GPC3: variants seen among roughly 807,000 people sequenced by gnomAD.
The protein encoded by GPC3 is glypican 3.
GPC3 carries 3 observed loss-of-function variants against 34.4 expected under a neutral mutation model. The observed-to-expected ratio is 0.09, with a 90% CI of 0.04 to 0.23. The LOEUF is 0.23. Ranked by LOEUF, GPC3 falls within the 10% of genes least tolerant of loss-of-function variation. The pLI, the probability that GPC3 is intolerant of heterozygous loss-of-function variation, is 1.00. For synonymous variants in GPC3, 177 were observed against 174.0 expected (o/e 1.02, Z -0.13); for missense variants, 351 against 445.6 (o/e 0.79, Z 1.91).
At chrX:133,542,359 G>A (rs904578272) in intron 7 of GPC3, among the ~76,000 whole-genome samples, 1 of 111,144 alleles carries the variant, frequency 9.0e-6, no homozygotes, top group African/African-American at 3.3e-5. Flanking sequence ...GGCATGCACA[G>A]GGGGATCTGG....
chrX:133,647,954 G>C (rs7052366), intron 6 of GPC3, among the ~76,000 whole-genome samples: 3,176 of 111,823 alleles, frequency 0.028, 111 homozygotes, highest in African/African-American at 0.097. Flanking sequence ...GTTCAATAAG[G>C]GACAAATCTC....
chrX:133,774,693 C>T (rs765613316), intron 2 of GPC3, among the ~76,000 whole-genome samples: 1 of 111,659 alleles, frequency 9.0e-6, no homozygotes, highest in Non-Finnish European at 1.9e-5. Flanking sequence ...CTCACAATGG[C>T]TCTATATGGT....
intron 2 of GPC3, among the ~76,000 whole-genome samples, chrX:133,892,569 G>A (rs2076092622): frequency 9.0e-6 from 1 of 111,005 alleles, no homozygotes; most frequent in Non-Finnish European, 1.9e-5. Flanking sequence ...TGTCCAAACA[G>A]GATGCTTGGA....
At chrX:133,599,107 T>C (rs975116731) in intron 6 of GPC3, among the ~76,000 whole-genome samples, 12 of 112,156 alleles carry the variant, frequency 1.1e-4, no homozygotes. Context: ...TGCATAACTA[T>C]AGTTTGTCAG....
rs201591822 is a variant in GPC3, at chrX:133,637,416, C to CA, written c.1413+24313dup. The stretch of plus-strand genomic sequence containing the variant: ...TGGGCAACAGAGTGAGACTCCATCT[C>CA]AAAAAAAAAAATAAAAAATAAAAAA... On this transcript the variant is annotated intron_variant, in intron 6 of 7. Transcript: ENST00000370818. 1.2e-3 allele frequency among the ~76,000 whole-genome samples: 115 copies of CA among 98,086 alleles called. 2 individuals carry two copies. In the East Asian group the frequency reaches 0.022, roughly 19 times the overall value. The allele number at this position is 98,086 out of a possible 115,157, so 85.2% of individuals were successfully genotyped here. A position where few individuals can be genotyped will look rare whatever the true frequency, so the allele number is the denominator to read the frequency against.
intron 1 of GPC3, among the ~76,000 whole-genome samples, chrX:133,973,091 A>G (rs1184014515): frequency 9.0e-6 from 1 of 111,446 alleles, no homozygotes; most frequent in African/African-American, 3.3e-5. Context: ...TAGGAGGAAG[A>G]GGGCAAACAA....
intron 6 of GPC3, among the ~76,000 whole-genome samples, chrX:133,626,925 A>T (rs987296859): frequency 1.8e-5 from 2 of 108,416 alleles, no homozygotes; most frequent in Non-Finnish European, 3.8e-5. Flanking sequence ...CAAATGTCCA[A>T]CAATGATAGA....
chrX:133,553,039 A>G (rs1164394131), intron 7 of GPC3, among the ~76,000 whole-genome samples: 2 of 112,314 alleles, frequency 1.8e-5, no homozygotes, highest in Admixed American at 9.5e-5. Flanking sequence ...TATAATAAGC[A>G]GCAGGAAGAT....
At chrX:133,605,205 G>C (rs151020543) in intron 6 of GPC3, among the ~76,000 whole-genome samples, 34 of 110,387 alleles carry the variant, frequency 3.1e-4, no homozygotes, top group African/African-American at 1.1e-3. Flanking sequence ...GCAGTTAAGG[G>C]CATGAGCTTT....
chrX:133,745,878 T>C (rs1348304833), intron 3 of GPC3, among the ~76,000 whole-genome samples: 1 of 112,535 alleles, frequency 8.9e-6, no homozygotes, highest in Non-Finnish European at 1.9e-5. Flanking sequence ...TTTCAGACTA[T>C]CCTTTTCAAG....
Position 133,695,857 on chromosome X carries a change from C to A in GPC3, c.1167-3363G>T, listed in dbSNP as rs1309987999. 3.6e-5 allele frequency among the ~76,000 whole-genome samples: 4 copies of A among 112,178 alleles called. No individual in the cohort carries two copies. The East Asian group carries it at 1.1e-3, about 31-fold the overall frequency. On this transcript the variant is annotated intron_variant, in intron 4 of 7. Transcript: ENST00000370818. ...TCAATGTAGTTTGTTCTAGATTTTT[C>A]TCTTGAGTAAAGTTTTACATTTATT...
At chrX:133,702,797 T>A (rs1367562736) in intron 3 of GPC3, among the ~76,000 whole-genome samples, 1 of 111,646 alleles carries the variant, frequency 9.0e-6, no homozygotes, top group Non-Finnish European at 1.9e-5. Flanking sequence ...TACTCCTCCA[T>A]CTGAAATGTG....
chrX:133,684,618 T>C (rs1021654963), intron 5 of GPC3, among the ~76,000 whole-genome samples: 4 of 111,592 alleles, frequency 3.6e-5, no homozygotes, highest in African/African-American at 1.3e-4. Context: ...CTGTATTTTA[T>C]TTATTTATTT....
At position 133,753,918 on chromosome X, in the gene GPC3, C is replaced by T. The variant is rs1389517208; in HGVS notation, c.596G>A (p.Arg199Gln). ...DSALDINECLRGARRDLKVFG... is the reference protein window; with the variant it reads ...DSALDINECLQGARRDLKVFG... ...TACTTTCAGGTCACGTCTTGCTCCT[C>T]GGAGGCACTCATTGATGTCCAAGGC... The change falls in exon 3 of 8, where the codon CGA becomes CAA. Residue 199 changes from arginine to glutamine, a missense_variant. Physicochemically the swap from Arg to Gln is conservative, Grantham distance 43 (BLOSUM62 1). Transcript: ENST00000370818. 5.8e-6 allele frequency: 7 copies of T among 1,209,690 alleles called. No individual in the cohort carries two copies. Among genetic ancestry groups the T allele is most frequent in the African/African-American group, 1.8e-5 (1 of 57,132 alleles).
chrX:133,654,426 T>C (rs1337419093), intron 6 of GPC3, among the ~76,000 whole-genome samples: 1 of 110,942 alleles, frequency 9.0e-6, no homozygotes, highest in Non-Finnish European at 1.9e-5. Context: ...TATTAAAAAA[T>C]ATCAGCCAGG....
At chrX:133,584,661 C>T (rs2069767824) in intron 7 of GPC3, among the ~76,000 whole-genome samples, 2 of 110,762 alleles carry the variant, frequency 1.8e-5, no homozygotes, top group South Asian at 3.9e-4. Flanking sequence ...GGATTTTTGG[C>T]AGAGACGGGG....
chrX:133,550,749 A>G (rs2069426884), intron 7 of GPC3, among the ~76,000 whole-genome samples: 1 of 112,005 alleles, frequency 8.9e-6, no homozygotes, highest in South Asian at 3.8e-4. Flanking sequence ...TCCTTAGGAG[A>G]AGGAGCCACC....
chrX:133,971,859 T>C (rs894423251), intron 1 of GPC3, among the ~76,000 whole-genome samples: 1 of 111,652 alleles, frequency 9.0e-6, no homozygotes, highest in African/African-American at 3.3e-5. Context: ...ATCACTACTC[T>C]ATGAAATGTT....
intron 2 of GPC3, among the ~76,000 whole-genome samples, chrX:133,870,640 T>C (rs1173673752): frequency 1.8e-5 from 2 of 111,494 alleles, no homozygotes; most frequent in Non-Finnish European, 3.8e-5. Flanking sequence ...TGATTTCCTA[T>C]GATGTCCTGC....
Sources: gnomAD v4.1 joint callset for allele counts (sites outside exome capture counted in the v4.1 genomes callset) on GRCh38, gnomAD v4.1.1 for gene constraint, MANE v1.5 for transcripts, NCBI Gene and HGNC (gene_info 2026-07-23, HGNC 2026-07-21) for gene names.